The following IRF6 variants were observed in gnomAD, a reference collection of about 807,000 sequenced individuals.
The protein encoded by IRF6 is interferon regulatory factor 6, also known as Van der Woude syndrome.
A neutral mutation model predicts 51.4 loss-of-function variants in IRF6; 6 were observed. The observed-to-expected ratio is 0.12, with a 90% CI of 0.06 to 0.23. The LOEUF (loss-of-function observed/expected upper bound fraction) is 0.23. IRF6 is among the 10% of genes least tolerant of loss of function. The pLI, the probability that IRF6 is intolerant of heterozygous loss-of-function variation, is 1.00. For missense variants in IRF6, 348 were observed against 585.2 expected (o/e 0.59, Z 4.18); for synonymous variants, 178 against 215.7 (o/e 0.83, Z 1.53).
At chr1:209,792,064 G>T (rs2077872078) in intron 6 of IRF6, among the ~76,000 whole-genome samples, 1 of 152,168 alleles carries the variant, frequency 6.6e-6, no homozygotes, top group Non-Finnish European at 1.5e-5. Context: ...GGGATTACAG[G>T]TGTAAGCCAC....
At position 209,788,538 on chromosome 1, in the gene IRF6, T is replaced by C; in HGVS notation, c.1286A>G (p.Lys429Arg). The C allele has an allele frequency of 1.2e-6, 2 of 1,614,200 alleles. No homozygotes were observed. The highest frequency in any genetic ancestry group is 1.1e-5 in the South Asian group (1 of 91,084). ...VRLQISTPDI[K>R]DNIVAQLKQL... ...CTTCAGCTGAGCAACGATGTTATCC[T>C]TGATGTCTGGGGTTGAGATCTGCAG... The change falls in exon 9 of 9, where the codon AAG (lysine) becomes AGG (arginine). Residue 429 changes from lysine to arginine, a missense_variant. Transcript: ENST00000367021.
At chr1:209,805,102 GTC>G (rs1313816069) in intron 1 of IRF6, among the ~76,000 whole-genome samples, 3 of 151,986 alleles carry the variant, frequency 2.0e-5, no homozygotes, top group Admixed American at 1.3e-4. Flanking sequence ...TCATACACAC[GTC>G]TCATCCTAAA....
chr1:209,804,034 G>A (rs2077959621), intron 1 of IRF6, among the ~76,000 whole-genome samples: 1 of 151,790 alleles, frequency 6.6e-6, no homozygotes, highest in Non-Finnish European at 1.5e-5. Flanking sequence ...TGCAACTATG[G>A]GTGCTTTTTA....
At position 209,790,579 on chromosome 1, in the gene IRF6, G is replaced by A; in HGVS notation, c.976C>T (p.Pro326Ser). ...GGAGCAACAAGTGATGGGGCACATGGCCCAGACCAGTACACCTTGCACTGG... is the reference window on the plus strand; with the variant it reads ...GGAGCAACAAGTGATGGGGCACATGACCCAGACCAGTACACCTTGCACTGG... ...LCQCKVYWSG[P>S]CAPSLVAPNL... Residue 326 changes from proline (P) to serine (S), a missense_variant, in exon 7 of 9, where the codon CCA (proline) becomes TCA (serine). Coordinates refer to ENST00000367021, the MANE Select transcript of IRF6 (RefSeq NM_006147.4). This position sits in a 1 kb window ranked among gnomAD's most constrained non-coding sequence, Gnocchi z 4.8. 1 of 1,614,206 alleles carries A rather than the reference G, an allele frequency of 6.2e-7. No homozygotes were observed. The highest frequency in any genetic ancestry group is 8.5e-7 in the Non-Finnish European group (1 of 1,180,028).
At chr1:209,795,014 G>A (rs2077892102) in intron 5 of IRF6, among the ~76,000 whole-genome samples, 1 of 152,226 alleles carries the variant, frequency 6.6e-6, no homozygotes, top group South Asian at 2.1e-4. Flanking sequence ...ATATTTGTAT[G>A]TTGGGTTAAG....
Position 209,795,374 on chromosome 1 carries a change from C to G in IRF6, c.424G>C (p.Asp142His). 1 of 1,614,192 alleles carries G rather than the reference C, an allele frequency of 6.2e-7. No individual in the cohort carries two copies. Among genetic ancestry groups the G allele is most frequent in the South Asian group, 1.1e-5 (1 of 91,082 alleles). Residue 142 changes from aspartate to histidine, a missense_variant, in exon 5 of 9, where the codon GAT becomes CAT. Coordinates refer to ENST00000367021, the MANE Select transcript of IRF6 (RefSeq NM_006147.4). ...APWDEKDNDVDEEDEEDELDQ... is the reference protein window; with the variant it reads ...APWDEKDNDVHEEDEEDELDQ... ...AGCTCATCTTCCTCATCTTCTTCATCCACATCATTATCCTTCTCATCCCAG... is the reference window on the plus strand; with the variant it reads ...AGCTCATCTTCCTCATCTTCTTCATGCACATCATTATCCTTCTCATCCCAG...
intron 1 of IRF6, among the ~76,000 whole-genome samples, chr1:209,805,276 C>T (rs1168560215): frequency 1.3e-5 from 2 of 152,144 alleles, no homozygotes; most frequent in African/African-American, 4.8e-5. Context: ...TAAAGAGTGA[C>T]ACCTCAGGCC....
At position 209,796,421 on chromosome 1, in the gene IRF6, C is replaced by A; in HGVS notation, c.306G>T (p.Glu102Asp). 6.2e-7 allele frequency: 1 copy of A among 1,614,184 alleles called. No individual in the cohort carries two copies. Among genetic ancestry groups the A allele is most frequent in the Non-Finnish European group, 8.5e-7 (1 of 1,180,032 alleles). Reference sequence around the variant, plus strand: ...ATATCTTCACTGGGTTCATGGGCACCTCCTTGGTGCCATCATACATCAGGT... The same window carrying A: ...ATATCTTCACTGGGTTCATGGGCACATCCTTGGTGCCATCATACATCAGGT... Reference protein sequence around the residue: ...EFNLMYDGTKEVPMNPVKIYQ... With the variant: ...EFNLMYDGTKDVPMNPVKIYQ... Residue 102 changes from glutamate (E) to aspartate (D), a missense_variant, in exon 4 of 9, where the codon GAG becomes GAT. Coordinates refer to ENST00000367021, the MANE Select transcript of IRF6 (RefSeq NM_006147.4). This position sits in a 1 kb window ranked among gnomAD's most constrained non-coding sequence, Gnocchi z 4.5.
chr1:209,791,079 G>A (rs1352160022), intron 6 of IRF6, 192 bp from the exon 7 acceptor site: 1 of 983,170 alleles, frequency 1.0e-6, no homozygotes, highest in Non-Finnish European at 1.2e-6. Context: ...AAGGCTGCCT[G>A]AAAGCAAACA....
chr1:209,793,914 A>G (rs548975155), intron 5 of IRF6, among the ~76,000 whole-genome samples: 2 of 152,276 alleles, frequency 1.3e-5, no homozygotes, highest in East Asian at 1.9e-4. Context: ...ACTCTTTTTT[A>G]TGGCTGCATA....
intron 1 of IRF6, among the ~76,000 whole-genome samples, chr1:209,805,669 G>C (rs12403599): frequency 0.36 from 55,369 of 152,098 alleles, 10,519 homozygotes; most frequent in East Asian, 0.57. Context: ...TGGGGTTGTT[G>C]ACGGCCGAGA....
rs1299873005 is a variant in IRF6, at chr1:209,789,888, G to A, written c.1061-103C>T. The A allele has an allele frequency of 3.8e-6, 3 of 781,742 alleles. No individual in the cohort carries two copies. In the East Asian group the frequency reaches 7.6e-5, roughly 20 times the overall value. The allele number at this position is 781,742 out of a possible 1,614,324, so 48.4% of individuals were successfully genotyped here. A position where few individuals can be genotyped will look rare whatever the true frequency, so the allele number is the denominator to read the frequency against. The stretch of plus-strand genomic sequence containing the variant: ...CCATTACAATAGCCACTAGCCACAT[G>A]TGCTCACTAGTTTTAAATTAATTAA... On this transcript the variant is annotated intron_variant, in intron 7 of 8. Coordinates refer to ENST00000367021, the MANE Select transcript of IRF6 (RefSeq NM_006147.4).
chr1:209,791,324 T>G (rs2077867858), intron 6 of IRF6, among the ~76,000 whole-genome samples: 1 of 152,212 alleles, frequency 6.6e-6, no homozygotes, highest in Admixed American at 6.5e-5. Flanking sequence ...AAATGACATG[T>G]GAACACACAC....
rs1172510506 is a variant in IRF6 at position 209,796,176 on chromosome 1, AT to A, written c.379+171del. 6.6e-6 allele frequency among the ~76,000 whole-genome samples: 1 copy of A among 152,214 alleles called. No homozygotes were observed. The highest frequency in any genetic ancestry group is 1.5e-5 in the Non-Finnish European group (1 of 68,024). ...AAAAACATTCCCCTAAGTAAGCAAG[AT>A]TTTGCTGAGTCTGCATCTTTTGTTT... On this transcript the variant is annotated intron_variant, in intron 4 of 8. Coordinates refer to ENST00000367021, the MANE Select transcript of IRF6 (RefSeq NM_006147.4). The surrounding 1 kb of genome is among the most constrained non-coding windows in gnomAD (Gnocchi z 4.5).
intron 1 of IRF6, among the ~76,000 whole-genome samples, chr1:209,804,854 A>T (rs1213894854): frequency 6.6e-6 from 1 of 152,224 alleles, no homozygotes; most frequent in Non-Finnish European, 1.5e-5. Flanking sequence ...GGTTTTGCTC[A>T]GGTTAAAACA....
chr1:209,789,397 T>C (rs939002663), intron 8 of IRF6, among the ~76,000 whole-genome samples: 2 of 150,346 alleles, frequency 1.3e-5, no homozygotes, highest in Admixed American at 6.6e-5. Context: ...GAAGAAAACC[T>C]GGAAAGGGTC....
chr1:209,792,578 T>A, intron 5 of IRF6, 151 bp from the exon 6 acceptor site: 1 of 736,080 alleles, frequency 1.4e-6, no homozygotes, highest in Non-Finnish European at 2.3e-6. Context: ...TTCCCATAAC[T>A]AACGCAATAA....
intron 8 of IRF6, among the ~76,000 whole-genome samples, chr1:209,789,153 T>C (rs1000711159): frequency 6.6e-6 from 1 of 151,972 alleles, no homozygotes. Flanking sequence ...TAGTGAGACC[T>C]CATCTCTGCT....
At chr1:209,804,964 C>G (rs1558043964) in intron 1 of IRF6, among the ~76,000 whole-genome samples, 1 of 152,204 alleles carries the variant, frequency 6.6e-6, no homozygotes, top group African/African-American at 2.4e-5. Context: ...TCAGGCTTCC[C>G]TGTTTAGCCC....
Sources: allele counts gnomAD v4.1 joint callset (sites outside exome capture counted in the v4.1 genomes callset), GRCh38; gene constraint gnomAD v4.1.1; non-coding constraint Gnocchi (gnomAD v3.1); transcripts MANE v1.5; gene names NCBI Gene and HGNC (gene_info 2026-07-23, HGNC 2026-07-21).